The following TC2N variants were observed in gnomAD, a reference collection of about 807,000 sequenced individuals.
TC2N encodes the protein tandem C2 domains nuclear protein.
TC2N carries 51 observed loss-of-function variants against 61.9 expected under a neutral mutation model. That is an observed-to-expected ratio of 0.82 (90% CI 0.66 to 1.04). The LOEUF is 1.04. Among genes scored for constraint, TC2N ranks in the 50% least tolerant of loss-of-function variants. The probability of loss-of-function intolerance (pLI) is 0.00; values close to 1 mark genes in which losing one functional copy is unlikely to be tolerated. For missense variants in TC2N, 556 were observed against 566.7 expected, an observed-to-expected ratio of 0.98 and a Z score of 0.19; for synonymous variants, 204 against 192.6, an observed-to-expected ratio of 1.06 and a Z score of -0.49.
intron 8 of TC2N, among the ~76,000 whole-genome samples, chr14:91,795,240 T>C (rs1885842141): frequency 6.6e-6 from 1 of 152,168 alleles, no homozygotes; most frequent in Non-Finnish European, 1.5e-5. Flanking sequence ...GTGAACGTTG[T>C]TGAAATGAAT....
At chr14:91,860,328 T>C (rs1472649578) in intron 1 of TC2N, among the ~76,000 whole-genome samples, 2 of 134,232 alleles carry the variant, frequency 1.5e-5, no homozygotes, top group South Asian at 4.9e-4. Context: ...AATCATTTCC[T>C]TGCAAAAAAA....
intron 2 of TC2N, 47 bp downstream of exon 2, chr14:91,813,656 T>A (rs749871999): frequency 7.5e-7 from 1 of 1,338,450 alleles, no homozygotes; most frequent in Non-Finnish European, 1.1e-6. Flanking sequence ...ATGCCACAAA[T>A]GAAGAAGATG....
At chr14:91,832,256 G>A (rs747653121) in intron 1 of TC2N, among the ~76,000 whole-genome samples, 6 of 151,936 alleles carry the variant, frequency 3.9e-5, no homozygotes, top group Non-Finnish European at 5.9e-5. Context: ...CAGGCATGGC[G>A]GCATGCACCT....
In TC2N at chr14:91,782,992, C is replaced by A; in HGVS notation, c.*108G>T. The stretch of plus-strand genomic sequence containing the variant: ...CATTATATACCATAATTATAGCCCC[C>A]ATAAATTGACAAATTTGTTGATTTG... On this transcript the variant is annotated 3_prime_UTR_variant, in exon 12 of 12. Coordinates refer to ENST00000435962, the MANE Select transcript of TC2N (RefSeq NM_001128596.3). 1.4e-6 allele frequency: 1 copy of A among 689,938 alleles called. No homozygotes were observed. Among genetic ancestry groups the A allele is most frequent in the East Asian group, 2.6e-5 (1 of 38,218 alleles). The allele number at this position is 689,938 out of a possible 1,614,324, so 42.7% of individuals were successfully genotyped here.
chr14:91,862,260 A>C (rs1436105641), intron 1 of TC2N, among the ~76,000 whole-genome samples: 1 of 151,084 alleles, frequency 6.6e-6, no homozygotes, highest in African/African-American at 2.4e-5. Flanking sequence ...GGATCGCTTA[A>C]GCCCAGGAGA....
intron 3 of TC2N, among the ~76,000 whole-genome samples, chr14:91,809,365 G>GC (rs1264729551): frequency 6.6e-6 from 1 of 152,078 alleles, no homozygotes; most frequent in Non-Finnish European, 1.5e-5. Flanking sequence ...CCAAAACCAT[G>GC]CCACTGCACT....
intron 1 of TC2N, among the ~76,000 whole-genome samples, chr14:91,849,103 A>T (rs1468722013): frequency 6.6e-6 from 1 of 152,144 alleles, no homozygotes; most frequent in Non-Finnish European, 1.5e-5. Flanking sequence ...TCCTGAAAAA[A>T]CATTTGTGTG....
chr14:91,800,021 A>G (rs1886140094), intron 5 of TC2N, among the ~76,000 whole-genome samples: 1 of 151,978 alleles, frequency 6.6e-6, no homozygotes, highest in Non-Finnish European at 1.5e-5. Context: ...TTAAATACCA[A>G]CTGTTTCAAG....
intron 1 of TC2N, among the ~76,000 whole-genome samples, chr14:91,815,170 T>C (rs1169813051): frequency 1.3e-5 from 2 of 151,506 alleles, no homozygotes; most frequent in Non-Finnish European, 3.0e-5. Context: ...ACACATATAG[T>C]ATAACTAAAA....
chr14:91,853,649 T>TACACACAC (rs71123304), intron 1 of TC2N, among the ~76,000 whole-genome samples: 154 of 103,050 alleles, frequency 1.5e-3, no homozygotes, highest in African/African-American at 6.7e-3. Flanking sequence ...TTTTTTAAAG[T>TACACACAC]ACACACACAC....
At chr14:91,834,416 T>C (rs1171811045) in intron 1 of TC2N, among the ~76,000 whole-genome samples, 1 of 152,228 alleles carries the variant, frequency 6.6e-6, no homozygotes, top group East Asian at 1.9e-4. Flanking sequence ...AATTTGTAAT[T>C]ATTATGGATA....
Position 91,846,130 on chromosome 14 carries a change from T to A in TC2N, c.-57+21132A>T, listed in dbSNP as rs545867393. Among the ~76,000 whole-genome samples the A allele has an allele frequency of 7.4e-3, 1,121 of 152,248 alleles. 13 individuals are homozygous for A. The highest frequency in any genetic ancestry group is 0.024 in the African/African-American group (989 of 41,538). On this transcript the variant is annotated intron_variant, in intron 1 of 11. Coordinates refer to ENST00000435962, the MANE Select transcript of TC2N (RefSeq NM_001128596.3). Reference sequence around the variant, plus strand: ...GAAATCCAACAGATAGACGCTCAGCTTTTTCTCTCCTTTCTTTCATAAGAC... The same window carrying A: ...GAAATCCAACAGATAGACGCTCAGCATTTTCTCTCCTTTCTTTCATAAGAC...
Position 91,867,333 on chromosome 14 carries a change from A to G in TC2N, c.-128T>C, listed in dbSNP as rs1184104392. On this transcript the variant is annotated 5_prime_UTR_variant, in exon 1 of 12. An upstream start codon of the reference 5' UTR is lost. Coordinates refer to ENST00000435962, the MANE Select transcript of TC2N (RefSeq NM_001128596.3). ...TGCAAAGCTCACGTAAACCTTCAGCATTTCTGATTCCATCCTTCTTCCCAG... is the reference window on the plus strand; with the variant it reads ...TGCAAAGCTCACGTAAACCTTCAGCGTTTCTGATTCCATCCTTCTTCCCAG... 6.6e-6 allele frequency: 1 copy of G among 152,184 alleles called. No individual in the cohort carries two copies. Among genetic ancestry groups the G allele is most frequent in the Non-Finnish European group, 1.5e-5 (1 of 68,112 alleles). The allele number at this position is 152,184 out of a possible 1,614,324, so 9.4% of individuals were successfully genotyped here. A position where few individuals can be genotyped will look rare whatever the true frequency, so the allele number is the denominator to read the frequency against.
At chr14:91,832,063 T>A (rs1164613865) in intron 1 of TC2N, among the ~76,000 whole-genome samples, 2 of 152,162 alleles carry the variant, frequency 1.3e-5, no homozygotes, top group East Asian at 3.8e-4. Context: ...GGGATTCACA[T>A]CCAGAATATA....
intron 1 of TC2N, chr14:91,866,669 C>T (rs771724190): frequency 6.6e-6 from 1 of 152,202 alleles, no homozygotes; most frequent in Non-Finnish European, 1.5e-5. Flanking sequence ...CAAGCTCAGC[C>T]CAGCTCCTGG....
At position 91,785,259 on chromosome 14, in the gene TC2N, G is replaced by T; in HGVS notation, c.1265C>A (p.Thr422Asn). 1 of 1,612,742 alleles carries T rather than the reference G, an allele frequency of 6.2e-7. No individual in the cohort carries two copies. Among genetic ancestry groups the T allele is most frequent in the Non-Finnish European group, 8.5e-7 (1 of 1,178,962 alleles). ...ACTCTGTATAAGTGGAAAAATCATA[G>T]TCTCTCCCCACTTGACTCTTCCATT... The part of the protein sequence containing the change: ...ASNGRVKWGE[T>N]MIFPLIQSEK... Residue 422 changes from threonine to asparagine, a missense_variant, in exon 11 of 12, where the codon ACT becomes AAT. Coordinates refer to ENST00000435962, the MANE Select transcript of TC2N (RefSeq NM_001128596.3).
chr14:91,852,746 A>C (rs974953637), intron 1 of TC2N, among the ~76,000 whole-genome samples: 1 of 152,146 alleles, frequency 6.6e-6, no homozygotes, highest in Non-Finnish European at 1.5e-5. Flanking sequence ...GAGAAAGAGA[A>C]AGAGAAGGGT....
intron 1 of TC2N, among the ~76,000 whole-genome samples, chr14:91,864,112 G>A (rs1389444619): frequency 1.3e-5 from 2 of 152,170 alleles, no homozygotes; most frequent in African/African-American, 4.8e-5. Flanking sequence ...GGGGGTCTGG[G>A]TTTCTGAAAA....
chr14:91,799,539 TC>T (rs1886114037), intron 5 of TC2N, among the ~76,000 whole-genome samples: 1 of 152,226 alleles, frequency 6.6e-6, no homozygotes, highest in Admixed American at 6.5e-5. Context: ...AAGCCTGTCA[TC>T]CTGTGTTTTA....
Sources: allele counts gnomAD v4.1 joint callset (sites outside exome capture counted in the v4.1 genomes callset), GRCh38; gene constraint gnomAD v4.1.1; transcripts MANE v1.5; gene names NCBI Gene and HGNC (gene_info 2026-07-23, HGNC 2026-07-21).